The following SGCZ variants were observed in gnomAD, a reference collection of about 807,000 sequenced individuals.
SGCZ encodes zeta-sarcoglycan.
SGCZ carries 40 observed loss-of-function variants against 41.3 expected under a neutral mutation model. That is an observed-to-expected ratio of 0.97 (90% CI 0.75 to 1.26). The LOEUF (loss-of-function observed/expected upper bound fraction) is 1.26, where lower values mean the gene tolerates loss of function less well. SGCZ is among the 50% of genes most tolerant of loss of function. SGCZ has a pLI of 0.00. For missense variants in SGCZ, 552 were observed against 369.8 expected (o/e 1.49, Z -4.04); for synonymous variants, 206 against 137.5 (o/e 1.50, Z -3.49).
At chr8:14,290,017 T>C (rs1010223041) in intron 3 of SGCZ, among the ~76,000 whole-genome samples, 25 of 151,822 alleles carry the variant, frequency 1.6e-4, no homozygotes, top group Middle Eastern at 3.4e-3. Flanking sequence ...ACTCCAGCAT[T>C]ATCACGAGAA....
chr8:14,337,768 G>A (rs1445091742), intron 2 of SGCZ, among the ~76,000 whole-genome samples: 3 of 152,134 alleles, frequency 2.0e-5, no homozygotes, highest in Non-Finnish European at 4.4e-5. Flanking sequence ...TCACCAAGAA[G>A]TCCAGTGGTA....
chr8:14,606,863 T>C (rs192947726), intron 1 of SGCZ, among the ~76,000 whole-genome samples: 2 of 152,308 alleles, frequency 1.3e-5, no homozygotes, highest in East Asian at 1.9e-4. Flanking sequence ...ATTCTTTATG[T>C]CAAGTTTTTA....
At position 14,182,219 on chromosome 8, in the gene SGCZ, C is replaced by G. The variant is rs11989616; in HGVS notation, c.425-17517G>C. 7.3e-3 allele frequency among the ~76,000 whole-genome samples: 1,108 copies of G among 152,196 alleles called. 14 individuals carry two copies. Among genetic ancestry groups the G allele is most frequent in the African/African-American group, 0.026 (1,067 of 41,520 alleles). ...AGTATGGATTGTAGTGCTACAGATTCCACACAAGTTTGCTTAAGGGCATAT... is the reference window on the plus strand; with the variant it reads ...AGTATGGATTGTAGTGCTACAGATTGCACACAAGTTTGCTTAAGGGCATAT... On this transcript the variant is annotated intron_variant, in intron 4 of 7. Transcript: ENST00000382080.
intron 3 of SGCZ, among the ~76,000 whole-genome samples, chr8:14,320,985 A>T (rs376827511): frequency 6.6e-6 from 1 of 152,192 alleles, no homozygotes; most frequent in African/African-American, 2.4e-5. Flanking sequence ...ACATACTCCA[A>T]TTAAGTGTTT....
chr8:14,567,053 C>T (rs1288538394), intron 1 of SGCZ, among the ~76,000 whole-genome samples: 2 of 152,220 alleles, frequency 1.3e-5, no homozygotes, highest in African/African-American at 2.4e-5. Context: ...CTCAATTTCT[C>T]CCTGGGTCTT....
intron 1 of SGCZ, among the ~76,000 whole-genome samples, chr8:15,129,714 A>AAAAC (rs768498392): frequency 9.0e-5 from 13 of 144,770 alleles, no homozygotes; most frequent in South Asian, 2.3e-4. Context: ...TTGCAAAAAA[A>AAAAC]AAAAAAAAAA....
At chr8:14,330,819 A>C (rs1005718206) in intron 2 of SGCZ, among the ~76,000 whole-genome samples, 1 of 152,014 alleles carries the variant, frequency 6.6e-6, no homozygotes, top group Non-Finnish European at 1.5e-5. Flanking sequence ...AATTAAGAAA[A>C]TATTTTAAAA....
chr8:14,814,565 T>C (rs926534537), intron 1 of SGCZ, among the ~76,000 whole-genome samples: 14 of 152,166 alleles, frequency 9.2e-5, no homozygotes, highest in Admixed American at 2.0e-4. Flanking sequence ...AAAGAAATAA[T>C]TGACCTTCTA....
chr8:14,205,015 T>C (rs1805573251), intron 4 of SGCZ, among the ~76,000 whole-genome samples: 1 of 152,182 alleles, frequency 6.6e-6, no homozygotes, highest in African/African-American at 2.4e-5. Context: ...ATACGCCTGT[T>C]TGTCTGTCTA....
At chr8:15,061,379 G>C (rs1340167578) in intron 1 of SGCZ, among the ~76,000 whole-genome samples, 1 of 151,940 alleles carries the variant, frequency 6.6e-6, no homozygotes, top group Non-Finnish European at 1.5e-5. Flanking sequence ...ACCGGGGCCT[G>C]TTGGGGGTGC....
At chr8:14,900,271 C>G (rs959821894) in intron 1 of SGCZ, among the ~76,000 whole-genome samples, 6 of 152,060 alleles carry the variant, frequency 3.9e-5, no homozygotes, top group African/African-American at 1.4e-4. Context: ...AAAGTACTGT[C>G]AGAATGTAAA....
intron 4 of SGCZ, among the ~76,000 whole-genome samples, chr8:14,199,000 G>A (rs559437693): frequency 6.6e-6 from 1 of 152,154 alleles, no homozygotes; most frequent in South Asian, 2.1e-4. Flanking sequence ...TGTTTGTAGA[G>A]CATGTGTGTT....
intron 1 of SGCZ, among the ~76,000 whole-genome samples, chr8:14,624,556 T>A (rs1314735435): frequency 1.4e-4 from 5 of 35,860 alleles, no homozygotes; most frequent in Non-Finnish European, 2.6e-4. Flanking sequence ...ATTATTATTA[T>A]TTTTTTTTTT....
chr8:14,297,513 T>C (rs1801055739), intron 3 of SGCZ, among the ~76,000 whole-genome samples: 1 of 151,388 alleles, frequency 6.6e-6, no homozygotes, highest in Non-Finnish European at 1.5e-5. Context: ...CCGTAGAAAG[T>C]AACACAGAAG....
intron 1 of SGCZ, among the ~76,000 whole-genome samples, chr8:14,674,445 T>C (rs1032671695): frequency 6.6e-6 from 1 of 152,152 alleles, no homozygotes. Flanking sequence ...AAATGGAGCA[T>C]ATTATGTTGA....
rs553017361 is a variant in SGCZ at position 14,512,979 on chromosome 8, T to A, written c.234+41753A>T. ...GTCTATTGTTAGTAAAGATCCACAC[T>A]AATTATTCAGGGATATATGCGGGAA... is the stretch of plus-strand genomic sequence containing the variant. On this transcript the variant is annotated intron_variant, in intron 2 of 7. Coordinates refer to ENST00000382080, the MANE Select transcript of SGCZ (RefSeq NM_139167.4). Among the ~76,000 whole-genome samples the A allele has an allele frequency of 2.0e-5, 3 of 152,272 alleles. No individual in the cohort carries two copies. The East Asian group carries it at 5.8e-4, about 29-fold the overall frequency.
intron 1 of SGCZ, among the ~76,000 whole-genome samples, chr8:14,778,532 A>C (rs1289235220): frequency 1.3e-5 from 2 of 152,120 alleles, no homozygotes; most frequent in Non-Finnish European, 1.5e-5. Context: ...TTAAAAAAAA[A>C]CAGAAAAGAC....
rs57164551 is a variant in SGCZ, at chr8:14,640,649, G to GGGGTGT, written c.40-85724_40-85723insACACCC. Among the ~76,000 whole-genome samples the GGGGTGT allele has an allele frequency of 5.3e-5, 8 of 149,992 alleles. No homozygotes were observed. The East Asian group carries it at 9.9e-4, about 19-fold the overall frequency. ...ATATATGTGCAAACATATATATAGG[G>GGGGTGT]GTGTGTGTGTGTGTGTGTGTGTGTA... On this transcript the variant is annotated intron_variant, in intron 1 of 7. Coordinates refer to ENST00000382080, the MANE Select transcript of SGCZ (RefSeq NM_139167.4).
intron 1 of SGCZ, among the ~76,000 whole-genome samples, chr8:15,113,512 CA>C (rs907435233): frequency 1.4e-4 from 22 of 152,140 alleles, no homozygotes; most frequent in African/African-American, 5.1e-4. Context: ...CATCAGTAAC[CA>C]AATGCAATAC....
Sources: gnomAD v4.1 joint callset for allele counts (sites outside exome capture counted in the v4.1 genomes callset) on GRCh38, gnomAD v4.1.1 for gene constraint, MANE v1.5 for transcripts, NCBI Gene and HGNC (gene_info 2026-07-23, HGNC 2026-07-21) for gene names.